CBL: variants seen among roughly 807,000 people sequenced by gnomAD.
The protein encoded by CBL is E3 ubiquitin-protein ligase CBL.
Under a neutral mutation model 96.9 loss-of-function variants are expected in CBL, and 45 were observed. That is an observed-to-expected ratio of 0.46 (90% CI 0.37 to 0.60). The LOEUF is 0.60. CBL is among the 20% of genes least tolerant of loss of function. CBL has a pLI of 0.00. For missense variants in CBL, 1,024 were observed against 1,143.5 expected (o/e 0.90, Z 1.51); for synonymous variants, 420 against 426.8 (o/e 0.98, Z 0.20).
chr11:119,293,959 C>T (rs561965663), intron 12 of CBL, among the ~76,000 whole-genome samples: 235 of 152,250 alleles, frequency 1.5e-3, no homozygotes, highest in African/African-American at 5.4e-3. Context: ...AGTTCAAAAC[C>T]CCTAATACAG....
intron 7 of CBL, 93 bp downstream of exon 7, chr11:119,277,937 C>A (rs1167409489): frequency 9.1e-6 from 9 of 986,422 alleles, no homozygotes; most frequent in Non-Finnish European, 1.3e-5. Flanking sequence ...TCATTGGAAC[C>A]CATTGACTAG....
intron 11 of CBL, among the ~76,000 whole-genome samples, chr11:119,286,457 T>C (rs993157184): frequency 3.3e-5 from 5 of 152,222 alleles, no homozygotes; most frequent in Non-Finnish European, 5.9e-5. Context: ...GAGAACTTTA[T>C]AGAAGGAGTG....
intron 12 of CBL, among the ~76,000 whole-genome samples, chr11:119,292,545 C>T (rs1052672560): frequency 1.2e-4 from 18 of 151,912 alleles, no homozygotes; most frequent in Non-Finnish European, 1.9e-4. Flanking sequence ...CTCAGCCTCC[C>T]GAGTAGCTGG....
intron 1 of CBL, among the ~76,000 whole-genome samples, chr11:119,228,050 T>C (rs1233255370): frequency 2.6e-5 from 4 of 152,176 alleles, no homozygotes; most frequent in Admixed American, 2.6e-4. Context: ...TCTGAACCTA[T>C]GCTCACTCTT....
intron 1 of CBL, among the ~76,000 whole-genome samples, chr11:119,231,013 C>G (rs1295876766): frequency 6.6e-6 from 1 of 152,140 alleles, no homozygotes; most frequent in African/African-American, 2.4e-5. Flanking sequence ...CAAAGAATTG[C>G]CAGGCAAATT....
intron 2 of CBL, among the ~76,000 whole-genome samples, chr11:119,245,640 A>C (rs1451882181): frequency 6.6e-6 from 1 of 152,034 alleles, no homozygotes; most frequent in Non-Finnish European, 1.5e-5. Flanking sequence ...GAGGCAGGAG[A>C]ATCACTTGAA....
At chr11:119,222,029 C>G (rs763095566) in intron 1 of CBL, among the ~76,000 whole-genome samples, 14 of 152,082 alleles carry the variant, frequency 9.2e-5, no homozygotes, top group Non-Finnish European at 1.8e-4. Context: ...AATATTCATC[C>G]TTTTAAATTA....
intron 1 of CBL, among the ~76,000 whole-genome samples, chr11:119,231,314 G>A (rs565772125): frequency 1.3e-5 from 2 of 152,192 alleles, no homozygotes; most frequent in Admixed American, 1.3e-4. Context: ...GAATGAGATA[G>A]GAGAATTGCT....
At chr11:119,244,892 G>T (rs955957711) in intron 2 of CBL, among the ~76,000 whole-genome samples, 2 of 151,820 alleles carry the variant, frequency 1.3e-5, no homozygotes, top group Non-Finnish European at 2.9e-5. Context: ...TGTCACACAA[G>T]ACTGGAGTCC....
intron 1 of CBL, among the ~76,000 whole-genome samples, chr11:119,231,556 A>G (rs921290851): frequency 1.3e-5 from 2 of 151,648 alleles, no homozygotes; most frequent in African/African-American, 2.4e-5. Flanking sequence ...CAAAAATACA[A>G]AATTAGCCGG....
chr11:119,267,482 A>G (rs755744424), intron 2 of CBL, among the ~76,000 whole-genome samples: 3 of 152,234 alleles, frequency 2.0e-5, no homozygotes, highest in Non-Finnish European at 1.5e-5. Context: ...AAAGATAACC[A>G]GCATGGTCCA....
chr11:119,236,652 T>C (rs1366602833), intron 2 of CBL, among the ~76,000 whole-genome samples: 1 of 150,410 alleles, frequency 6.6e-6, no homozygotes, highest in Admixed American at 6.6e-5. Flanking sequence ...CTGAGTCATA[T>C]GGTAATTCTG....
chr11:119,226,807 C>T (rs1949463283), intron 1 of CBL, among the ~76,000 whole-genome samples: 1 of 152,150 alleles, frequency 6.6e-6, no homozygotes, highest in African/African-American at 2.4e-5. Flanking sequence ...GGTCAAAGTA[C>T]TAAAATGTTA....
intron 1 of CBL, among the ~76,000 whole-genome samples, chr11:119,228,633 A>G (rs1949477673): frequency 6.6e-6 from 1 of 151,716 alleles, no homozygotes; most frequent in Non-Finnish European, 1.5e-5. Context: ...AAATAGGGAC[A>G]AGGTCTTGCC....
At chr11:119,242,845 T>C (rs1159816338) in intron 2 of CBL, among the ~76,000 whole-genome samples, 1 of 152,134 alleles carries the variant, frequency 6.6e-6, no homozygotes, top group Non-Finnish European at 1.5e-5. Flanking sequence ...TTTTTTACTT[T>C]TTTAAAAAAA....
At position 119,296,934 on chromosome 11, in the gene CBL, A is replaced by G. The variant is rs1555027603; in HGVS notation, c.2053A>G (p.Lys685Glu). The part of the protein sequence containing the change: ...SLAARPLPVP[K>E]LPPGEQCEGE... ...ATCTTCCAGACCTCTTCCTGTGCCAAAACTGCCACCTGGGGAGCAATGTGA... is the reference window on the plus strand; with the variant it reads ...ATCTTCCAGACCTCTTCCTGTGCCAGAACTGCCACCTGGGGAGCAATGTGA... Residue 685 changes from lysine (K) to glutamate (E), a missense_variant, in exon 13 of 16, where the codon AAA (lysine) becomes GAA (glutamate). By Grantham distance (56) the Lys-to-Glu change is moderately conservative. This residue lies in a region of CBL where 695 missense variants were observed against 661.6 expected (regional missense o/e 1.05). Coordinates refer to ENST00000264033, the MANE Select transcript of CBL (RefSeq NM_005188.4). The G allele has an allele frequency of 1.9e-6, 3 of 1,603,170 alleles. No homozygotes were observed. The highest frequency in any genetic ancestry group is 2.6e-6 in the Non-Finnish European group (3 of 1,170,176).
intron 2 of CBL, among the ~76,000 whole-genome samples, chr11:119,268,349 G>A (rs1311454955): frequency 1.3e-5 from 2 of 152,130 alleles, no homozygotes; most frequent in African/African-American, 4.8e-5. Context: ...CCACAGATTG[G>A]CAACAAATTG....
At chr11:119,233,735 A>G (rs77063371) in intron 2 of CBL, among the ~76,000 whole-genome samples, 1,856 of 152,274 alleles carry the variant, frequency 0.012, 26 homozygotes, top group African/African-American at 0.042. Flanking sequence ...TTTAGTGAGT[A>G]AATTATTCTT....
intron 6 of CBL, 137 bp downstream of exon 6, chr11:119,276,271 G>C (rs937575155): frequency 3.3e-6 from 3 of 916,124 alleles, no homozygotes; most frequent in African/African-American, 3.3e-5. Flanking sequence ...ATATTGATTT[G>C]ACCTTCAGGT....
Sources: allele counts gnomAD v4.1 joint callset (sites outside exome capture counted in the v4.1 genomes callset), GRCh38; gene constraint gnomAD v4.1.1; regional missense constraint gnomAD v4.1.1; transcripts MANE v1.5; gene names NCBI Gene and HGNC (gene_info 2026-07-23, HGNC 2026-07-21).